LRTM1: variants seen among roughly 807,000 people sequenced by gnomAD.
The protein encoded by LRTM1 is leucine rich repeat transmembrane protein 1.
A neutral mutation model predicts 32.4 loss-of-function variants in LRTM1; 38 were observed. The observed-to-expected ratio is 1.17, with a 90% confidence interval of 0.91 to 1.54. The LOEUF is 1.54. Among genes scored for constraint, LRTM1 ranks in the 40% most tolerant of loss-of-function variants. LRTM1 has a pLI of 0.00. For synonymous variants in LRTM1, 186 were observed against 169.9 expected (o/e 1.09, Z -0.74); for missense variants, 466 against 415.4 (o/e 1.12, Z -1.06).
chr3:54,939,874 C>T (rs9823586), intron 1 of LRTM1, among the ~76,000 whole-genome samples: 2 of 152,126 alleles, frequency 1.3e-5, no homozygotes, highest in Admixed American at 1.3e-4. Context: ...GCCATGCTTG[C>T]TTTAGAGCAT....
chr3:54,938,120 T>C (rs1701375739), intron 1 of LRTM1, among the ~76,000 whole-genome samples: 1 of 152,200 alleles, frequency 6.6e-6, no homozygotes. Flanking sequence ...CCTTTCTGCA[T>C]GTGTCTGAGG....
intron 1 of LRTM1, among the ~76,000 whole-genome samples, chr3:54,957,652 G>A (rs1353510196): frequency 6.6e-6 from 1 of 151,998 alleles, no homozygotes; most frequent in Admixed American, 6.6e-5. Flanking sequence ...ATTCAGATAC[G>A]ACTGATGGGC....
chr3:54,928,160 C>G, upstream of LRTM1: 1 of 519,938 alleles, frequency 1.9e-6, no homozygotes. Context: ...TCGTGCCCCT[C>G]TTCTTTCTTA....
chr3:54,928,144 T>C (rs1265320911), upstream of LRTM1: 2 of 539,338 alleles, frequency 3.7e-6, no homozygotes, highest in Non-Finnish European at 6.5e-6. Context: ...TAAGAGGATC[T>C]TGGGATCGTG....
chr3:54,920,004 C>A (rs571682660), intron 2 of LRTM1, among the ~76,000 whole-genome samples: 1 of 152,196 alleles, frequency 6.6e-6, no homozygotes, highest in Non-Finnish European at 1.5e-5. Context: ...TTTGATTGGA[C>A]AGAACTGCCC....
At chr3:54,918,995 C>CA in intron 2 of LRTM1, 103 bp from the exon 3 acceptor site, 2 of 707,920 alleles carry the variant, frequency 2.8e-6, no homozygotes, top group Non-Finnish European at 4.1e-6. Context: ...TATGAAGTAC[C>CA]TTTTTTTTTT....
intron 2 of LRTM1, among the ~76,000 whole-genome samples, chr3:54,921,651 G>T (rs1041987235): frequency 6.6e-6 from 1 of 152,034 alleles, no homozygotes; most frequent in Admixed American, 6.5e-5. Context: ...AGGCCATAAA[G>T]CCCCCGTGTA....
At chr3:54,940,447 T>C (rs1318890932) in intron 1 of LRTM1, among the ~76,000 whole-genome samples, 1 of 152,230 alleles carries the variant, frequency 6.6e-6, no homozygotes, top group Non-Finnish European at 1.5e-5. Context: ...ACTGATATTT[T>C]ATTAAGCTCC....
intron 1 of LRTM1, among the ~76,000 whole-genome samples, chr3:54,960,689 C>T (rs1386228042): frequency 1.3e-5 from 2 of 152,214 alleles, no homozygotes; most frequent in East Asian, 1.9e-4. Context: ...CAGCTGCCTT[C>T]CCTTCCTTCC....
chr3:54,935,527 G>A lies in LRTM1; in HGVS notation c.-221-10312C>T, dbSNP rs542038137. ...CCTGGCCAAAGCCTCACAGTGACAC[G>A]TTGTTTTACTTAGATCTTTTGAGTG... On this transcript the variant is annotated intron_variant, in intron 1 of 2. Transcript: ENST00000493075. Among the ~76,000 whole-genome samples the A allele has an allele frequency of 3.3e-5, 5 of 152,282 alleles. No homozygotes were observed. In the South Asian group the frequency reaches 6.2e-4, roughly 19 times the overall value.
At chr3:54,957,324 CTT>C (rs1701924148) in intron 1 of LRTM1, among the ~76,000 whole-genome samples, 1 of 151,890 alleles carries the variant, frequency 6.6e-6, no homozygotes, top group Non-Finnish European at 1.5e-5. Flanking sequence ...TTTTTTAAAA[CTT>C]TTTATAGAGA....
At chr3:54,965,630 A>G (rs1702130557) in intron 1 of LRTM1, among the ~76,000 whole-genome samples, 1 of 152,210 alleles carries the variant, frequency 6.6e-6, no homozygotes, top group African/African-American at 2.4e-5. Context: ...AAGTTGATCC[A>G]TCAATGAAAT....
chr3:54,924,823 T>C lies in LRTM1; in HGVS notation c.400A>G (p.Ile134Val). The C allele has an allele frequency of 1.9e-6, 3 of 1,614,018 alleles. No individual in the cohort carries two copies. The highest frequency in any genetic ancestry group is 2.5e-6 in the Non-Finnish European group (3 of 1,179,954). Residue 134 changes from isoleucine to valine, a missense_variant, in exon 2 of 3, where the codon ATA becomes GTA. By Grantham distance (29) the Ile-to-Val change is conservative. Coordinates refer to ENST00000273286, the MANE Select transcript of LRTM1 (RefSeq NM_020678.4). ...LRELDLSSNNISHLPTSLGET... is the reference protein window; with the variant it reads ...LRELDLSSNNVSHLPTSLGET... ...CCCAAGGATGTGGGAAGGTGGCTTATGTTGTTTGATGACAAATCAAGCTCC... is the reference window on the plus strand; with the variant it reads ...CCCAAGGATGTGGGAAGGTGGCTTACGTTGTTTGATGACAAATCAAGCTCC...
intron 1 of LRTM1, among the ~76,000 whole-genome samples, chr3:54,952,647 C>T (rs753171842): frequency 5.9e-5 from 9 of 152,154 alleles, no homozygotes; most frequent in Admixed American, 1.3e-4. Flanking sequence ...TTTTCTGCTT[C>T]TATTCTGAAG....
chr3:54,954,153 T>C (rs577578865), intron 1 of LRTM1, among the ~76,000 whole-genome samples: 6 of 152,296 alleles, frequency 3.9e-5, no homozygotes, highest in African/African-American at 1.4e-4. Context: ...CATGCAGGCA[T>C]TTCCTGAGTC....
rs536671359 is a variant in LRTM1, at chr3:54,942,857, T to C, written c.-221-17642A>G. ...GGCTAACACAGTGAAACCCCATCTC[T>C]ACTAAAAATACAAAAAATTAGCCAG... On this transcript the variant is annotated intron_variant, in intron 1 of 2. Transcript: ENST00000493075. 2.0e-5 allele frequency among the ~76,000 whole-genome samples: 3 copies of C among 152,152 alleles called. No individual in the cohort carries two copies. In the East Asian group the frequency reaches 5.8e-4, roughly 29 times the overall value.
intron 1 of LRTM1, among the ~76,000 whole-genome samples, chr3:54,955,707 C>T (rs974754383): frequency 2.6e-5 from 4 of 152,082 alleles, no homozygotes; most frequent in African/African-American, 9.7e-5. Context: ...CCTGGCTCTC[C>T]CCTGAGGCCT....
rs183205666 is a variant in LRTM1 at position 54,919,745 on chromosome 3, C to T, written c.605-853G>A. Among the ~76,000 whole-genome samples, 23 of 152,336 alleles carry T rather than the reference C, an allele frequency of 1.5e-4. 1 individual carries two copies. In the East Asian group the frequency reaches 3.9e-3, roughly 26 times the overall value. ...CTTAATTTTCTGCCATGAAAACATG[C>T]TATTTGTATCCAACTTGATGGTTTA... On this transcript the variant is annotated intron_variant, in intron 2 of 2. Coordinates refer to ENST00000273286, the MANE Select transcript of LRTM1 (RefSeq NM_020678.4).
chr3:54,922,124 G>A (rs1700870238), intron 2 of LRTM1, among the ~76,000 whole-genome samples: 1 of 152,070 alleles, frequency 6.6e-6, no homozygotes, highest in Admixed American at 6.5e-5. Flanking sequence ...GTGACGGCGT[G>A]TTGAAATGCG....
Sources: gnomAD v4.1 joint callset for allele counts (sites outside exome capture counted in the v4.1 genomes callset) on GRCh38, gnomAD v4.1.1 for gene constraint, MANE v1.5 for transcripts, NCBI Gene and HGNC (gene_info 2026-07-23, HGNC 2026-07-21) for gene names.